TAS2R1: variants seen among roughly 807,000 people sequenced by gnomAD.
The protein encoded by TAS2R1 is taste 2 receptor member 1, also known as taste receptor type 2 member 1.
For missense variants in TAS2R1, 370 were observed against 353.4 expected (o/e 1.05, Z -0.38); for synonymous variants, 141 against 134.2 (o/e 1.05, Z -0.35).
chr5:9,719,943 A>C, the TAS2R1 span, among the ~76,000 whole-genome samples: 1 of 149,320 alleles, frequency 6.7e-6, no homozygotes, highest in Non-Finnish European at 1.5e-5. Context: ...AAAAAACAAA[A>C]ACAAAAACAA....
rs150147809 is a variant in TAS2R1, at chr5:9,711,894, G to A, written c.-242+278C>T. On this transcript the variant is annotated intron_variant, in intron 1 of 2. Coordinates refer to the TAS2R1 transcript ENST00000506620. ...TTGGCCAGGCTGGTCTCGAACTCCT[G>A]ACCTCAGGCGATGCACCCACCTCGG... Among the ~76,000 whole-genome samples the A allele has an allele frequency of 6.0e-3, 915 of 151,514 alleles. 8 individuals are homozygous for A. The highest frequency in any genetic ancestry group is 0.021 in the African/African-American group (876 of 41,242).
At chr5:9,641,779 TC>T (rs1740090094) in intron 2 of TAS2R1, 3 of 152,180 alleles carry the variant, frequency 2.0e-5, no homozygotes, top group Admixed American at 2.0e-4. Context: ...GAGTATAAAA[TC>T]CTTTTAGGTC....
At chr5:9,876,602 T>C in the TAS2R1 span, among the ~76,000 whole-genome samples, 4 of 152,232 alleles carry the variant, frequency 2.6e-5, no homozygotes, top group Admixed American at 2.0e-4. Flanking sequence ...GTGGGGTTTT[T>C]AAAAAATATT....
chr5:9,892,783 A>G, the TAS2R1 span, among the ~76,000 whole-genome samples: 1 of 152,216 alleles, frequency 6.6e-6, no homozygotes, highest in African/African-American at 2.4e-5. Context: ...GAAGCAGGCT[A>G]TGAGTCAAGT....
At chr5:9,799,566 ACTCAG>A in the TAS2R1 span, among the ~76,000 whole-genome samples, 1 of 152,050 alleles carries the variant, frequency 6.6e-6, no homozygotes, top group Non-Finnish European at 1.5e-5. Context: ...TCTTAAAACA[ACTCAG>A]CTGTGTCTTT....
At chr5:9,895,291 A>G in the TAS2R1 span, among the ~76,000 whole-genome samples, 2 of 152,206 alleles carry the variant, frequency 1.3e-5, no homozygotes, top group South Asian at 4.1e-4. Context: ...CTGCTTTGAA[A>G]GTGGACCTGG....
the TAS2R1 span, among the ~76,000 whole-genome samples, chr5:9,770,281 A>G: frequency 6.6e-6 from 1 of 152,108 alleles, no homozygotes; most frequent in Non-Finnish European, 1.5e-5. Context: ...GTCTGTTTTT[A>G]TGCCAGTACC....
chr5:9,832,516 G>C, the TAS2R1 span, among the ~76,000 whole-genome samples: 1 of 152,208 alleles, frequency 6.6e-6, no homozygotes. Flanking sequence ...GGAAAGCAGT[G>C]CTTCTCTCAG....
chr5:9,789,626 A>G, the TAS2R1 span, among the ~76,000 whole-genome samples: 2 of 152,230 alleles, frequency 1.3e-5, no homozygotes, highest in Non-Finnish European at 2.9e-5. Context: ...TACCAGATGC[A>G]TGAATCGATC....
At chr5:9,875,019 A>T in the TAS2R1 span, among the ~76,000 whole-genome samples, 4 of 152,140 alleles carry the variant, frequency 2.6e-5, no homozygotes, top group Non-Finnish European at 5.9e-5. Flanking sequence ...CATAAAAGAG[A>T]TATGGCTCTT....
At chr5:9,809,317 C>T in the TAS2R1 span, among the ~76,000 whole-genome samples, 5 of 152,198 alleles carry the variant, frequency 3.3e-5, no homozygotes, top group Non-Finnish European at 5.9e-5. Context: ...GGGAATGTTA[C>T]GGACTGAATA....
chr5:9,687,014 G>T (rs1207042918), intron 1 of TAS2R1, among the ~76,000 whole-genome samples: 1 of 151,948 alleles, frequency 6.6e-6, no homozygotes, highest in South Asian at 2.1e-4. Flanking sequence ...GCCCAGGCTG[G>T]AGTGCAATGG....
chr5:9,795,978 T>G, the TAS2R1 span, among the ~76,000 whole-genome samples: 1 of 152,176 alleles, frequency 6.6e-6, no homozygotes, highest in Non-Finnish European at 1.5e-5. Context: ...CGAAACATAC[T>G]GACCTCTGTC....
At chr5:9,649,389 A>C (rs1740259582) in intron 2 of TAS2R1, among the ~76,000 whole-genome samples, 1 of 152,206 alleles carries the variant, frequency 6.6e-6, no homozygotes, top group South Asian at 2.1e-4. Flanking sequence ...TAAAAGTTGG[A>C]AGTATTTGCA....
At chr5:9,719,077 T>C in the TAS2R1 span, among the ~76,000 whole-genome samples, 1 of 152,212 alleles carries the variant, frequency 6.6e-6, no homozygotes, top group Non-Finnish European at 1.5e-5. Flanking sequence ...GTTAAAGGTA[T>C]TGCATCAATG....
rs190490285 is a variant in TAS2R1, at chr5:9,677,336, C to A, written c.-241-17755G>T. Among the ~76,000 whole-genome samples, 181 of 152,050 alleles carry A rather than the reference C, an allele frequency of 1.2e-3. 2 individuals are homozygous for A. Among genetic ancestry groups the A allele is most frequent in the African/African-American group, 4.0e-3 (168 of 41,496 alleles). Reference sequence around the variant, plus strand: ...CTTAATACCTGGGTGATGAAATAATCTGTACAACAAATCCCCATGACACAA... The same window carrying A: ...CTTAATACCTGGGTGATGAAATAATATGTACAACAAATCCCCATGACACAA... On this transcript the variant is annotated intron_variant, in intron 1 of 2. Coordinates refer to the TAS2R1 transcript ENST00000506620.
At chr5:9,705,358 A>G (rs2126528782) in intron 1 of TAS2R1, among the ~76,000 whole-genome samples, 1 of 152,322 alleles carries the variant, frequency 6.6e-6, no homozygotes, top group Non-Finnish European at 1.5e-5. Flanking sequence ...TCTTGTGAGC[A>G]TGCATGTATT....
the TAS2R1 span, among the ~76,000 whole-genome samples, chr5:9,807,548 C>T: frequency 3.9e-5 from 6 of 152,050 alleles, no homozygotes; most frequent in African/African-American, 1.4e-4. Flanking sequence ...GGTATATCTA[C>T]ATACCATGGA....
chr5:9,654,663 A>C (rs1328487983), intron 2 of TAS2R1, among the ~76,000 whole-genome samples: 1 of 152,244 alleles, frequency 6.6e-6, no homozygotes, highest in Non-Finnish European at 1.5e-5. Context: ...TGAAGACAGT[A>C]TTATATGAAC....
Sources: gnomAD v4.1 joint callset for allele counts (sites outside exome capture counted in the v4.1 genomes callset) on GRCh38, gnomAD v4.1.1 for gene constraint, MANE v1.5 for transcripts, NCBI Gene and HGNC (gene_info 2026-07-23, HGNC 2026-07-21) for gene names.